SGO2: variants seen among roughly 807,000 people sequenced by gnomAD.
SGO2 encodes shugoshin 2, also known as shugoshin-like 2.
SGO2 carries 68 observed loss-of-function variants against 99.5 expected under a neutral mutation model. The observed-to-expected ratio is 0.68, with a 90% confidence interval of 0.56 to 0.84. The LOEUF (loss-of-function observed/expected upper bound fraction) is 0.84, where lower values mean the gene tolerates loss of function less well. Ranked by LOEUF, SGO2 falls within the 40% of genes least tolerant of loss-of-function variation. SGO2 has a pLI of 0.00. For missense variants in SGO2, 1,350 were observed against 1,436.7 expected, an observed-to-expected ratio of 0.94 and a Z score of 0.97; for synonymous variants, 457 against 487.1, an observed-to-expected ratio of 0.94 and a Z score of 0.81.
rs572049018 is a variant in SGO2 at position 200,583,646 on chromosome 2, C to G, written c.*182C>G. The G allele has an allele frequency of 1.3e-5, 5 of 392,440 alleles. No individual in the cohort carries two copies. In the East Asian group the frequency reaches 1.6e-4, roughly 12 times the overall value. The allele number at this position is 392,440 out of a possible 1,614,324, so 24.3% of individuals were successfully genotyped here. A position where few individuals can be genotyped will look rare whatever the true frequency, so the allele number is the denominator to read the frequency against. ...TAATAGGTATATGTGCATAAAATAGCTATTTTGTAACATTAAACTTTTTGA... is the reference window on the plus strand; with the variant it reads ...TAATAGGTATATGTGCATAAAATAGGTATTTTGTAACATTAAACTTTTTGA... On this transcript the variant is annotated 3_prime_UTR_variant, in exon 9 of 9. Transcript: ENST00000357799.
intron 4 of SGO2, among the ~76,000 whole-genome samples, chr2:200,541,070 A>C (rs1030494139): frequency 6.6e-5 from 10 of 151,990 alleles, no homozygotes; most frequent in African/African-American, 2.2e-4. Flanking sequence ...AGGAGACCAG[A>C]CTCCTGTAAC....
intron 1 of SGO2, chr2:200,532,485 C>T: frequency 1.1e-6 from 1 of 946,566 alleles, no homozygotes; most frequent in Non-Finnish European, 1.3e-6. Context: ...TCTTGTAATA[C>T]TATAATGTAA....
At chr2:200,556,811 ACTC>A (rs2032737325) in intron 5 of SGO2, among the ~76,000 whole-genome samples, 1 of 151,868 alleles carries the variant, frequency 6.6e-6, no homozygotes, top group African/African-American at 2.4e-5. Context: ...CAACCCCAAA[ACTC>A]CTGGCCGAGA....
Position 200,583,514 on chromosome 2 carries a change from C to A in SGO2, c.*50C>A, listed in dbSNP as rs1418896008. On this transcript the variant is annotated 3_prime_UTR_variant, in exon 9 of 9. Coordinates refer to ENST00000357799, the MANE Select transcript of SGO2 (RefSeq NM_152524.6). Reference sequence around the variant, plus strand: ...TCTGAATTTTCAAAGCATAAGGAATCAAAACAGAAATATAGTATCAAGAAG... The same window carrying A: ...TCTGAATTTTCAAAGCATAAGGAATAAAAACAGAAATATAGTATCAAGAAG... 9 of 1,507,600 alleles carry A rather than the reference C, an allele frequency of 6.0e-6. No homozygotes were observed. Among genetic ancestry groups the A allele is most frequent in the South Asian group, 1.3e-5 (1 of 77,288 alleles). 93.4% of individuals were successfully genotyped at this position (1,507,600 alleles called of 1,614,324 possible).
At chr2:200,566,005 T>G (rs2033172259) in intron 5 of SGO2, among the ~76,000 whole-genome samples, 1 of 152,218 alleles carries the variant, frequency 6.6e-6, no homozygotes, top group Non-Finnish European at 1.5e-5. Flanking sequence ...GCGATGGGTT[T>G]GAACATCCTC....
At chr2:200,561,974 A>G (rs1188884406) in intron 5 of SGO2, among the ~76,000 whole-genome samples, 2 of 152,118 alleles carry the variant, frequency 1.3e-5, no homozygotes, top group Non-Finnish European at 2.9e-5. Flanking sequence ...TCAGATGAGT[A>G]GATTGCAAAA....
chr2:200,563,973 C>T (rs1316648277), intron 5 of SGO2, among the ~76,000 whole-genome samples: 3 of 151,970 alleles, frequency 2.0e-5, no homozygotes, highest in South Asian at 2.1e-4. Flanking sequence ...GTCTTGCTAG[C>T]GGTCTATCAA....
At position 200,539,770 on chromosome 2, in the gene SGO2, G is replaced by T. The variant is rs150329345; in HGVS notation, c.388-2809G>T. ...TCTATCAAGTTTGGAAAAATGTTCA[G>T]CCATAATGTCCCCAAGTACTTTTCC... On this transcript the variant is annotated intron_variant, in intron 4 of 8. Transcript: ENST00000357799. Among the ~76,000 whole-genome samples, 6 of 152,206 alleles carry T rather than the reference G, an allele frequency of 3.9e-5. 1 individual carries two copies. In the East Asian group the frequency reaches 9.6e-4, roughly 24 times the overall value.
intron 5 of SGO2, among the ~76,000 whole-genome samples, chr2:200,560,366 A>G (rs1368186076): frequency 6.6e-6 from 1 of 152,122 alleles, no homozygotes; most frequent in Non-Finnish European, 1.5e-5. Context: ...AATGCTATAT[A>G]AGTGAATCAG....
Position 200,536,060 on chromosome 2 carries a change from T to G in SGO2, c.310-5T>G. 1.3e-6 allele frequency: 2 copies of G among 1,540,598 alleles called. No individual in the cohort carries two copies. Among genetic ancestry groups the G allele is most frequent in the Non-Finnish European group, 1.8e-6 (2 of 1,131,846 alleles). ...TTAAAAGGGGTCTTTATTTTACATGTGCAGAATAAGAAGCTTATAGACATA... is the reference window on the plus strand; with the variant it reads ...TTAAAAGGGGTCTTTATTTTACATGGGCAGAATAAGAAGCTTATAGACATA... On this transcript the variant is annotated splice_region_variant and splice_polypyrimidine_tract_variant and intron_variant, in intron 3 of 8. Coordinates refer to ENST00000357799, the MANE Select transcript of SGO2 (RefSeq NM_152524.6).
At position 200,569,692 on chromosome 2, in the gene SGO2, A is replaced by G; in HGVS notation, c.503A>G (p.Asp168Gly). 1 of 1,610,016 alleles carries G rather than the reference A, an allele frequency of 6.2e-7. No homozygotes were observed. The highest frequency in any genetic ancestry group is 8.5e-7 in the Non-Finnish European group (1 of 1,178,144). ...RVPLTSNDDE[D>G]EDKEKMQCDN... ...CCATTAACTTCAAATGATGATGAAGATGAAGATAAAGAGAAAATGCAGTGT... is the reference window on the plus strand; with the variant it reads ...CCATTAACTTCAAATGATGATGAAGGTGAAGATAAAGAGAAAATGCAGTGT... The change falls in exon 6 of 9, where the codon GAT (aspartate) becomes GGT (glycine). Residue 168 changes from aspartate to glycine, a missense_variant. By Grantham distance (94) the Asp-to-Gly change is moderately conservative. Coordinates refer to ENST00000357799, the MANE Select transcript of SGO2 (RefSeq NM_152524.6).
intron 5 of SGO2, among the ~76,000 whole-genome samples, chr2:200,560,224 C>G (rs772172758): frequency 2.0e-5 from 3 of 152,138 alleles, no homozygotes; most frequent in Non-Finnish European, 2.9e-5. Context: ...ATTAGGTACT[C>G]ATACATTTAG....
At chr2:200,554,109 TA>T (rs2032605427) in intron 5 of SGO2, among the ~76,000 whole-genome samples, 1 of 152,192 alleles carries the variant, frequency 6.6e-6, no homozygotes, top group African/African-American at 2.4e-5. Flanking sequence ...TGCCATCAAT[TA>T]AGAATATTCA....
chr2:200,574,483 A>G (rs2033579323), intron 7 of SGO2, among the ~76,000 whole-genome samples: 2 of 152,084 alleles, frequency 1.3e-5, no homozygotes, highest in African/African-American at 4.8e-5. Context: ...AACAAACATC[A>G]TGGTGAAATG....
chr2:200,558,954 C>G (rs2032832829), intron 5 of SGO2, among the ~76,000 whole-genome samples: 1 of 152,046 alleles, frequency 6.6e-6, no homozygotes, highest in Non-Finnish European at 1.5e-5. Flanking sequence ...AGATGCTCGC[C>G]AACGCGCCCA....
At chr2:200,534,877 C>T (rs16833685) in intron 2 of SGO2, 119 bp from the exon 3 acceptor site, 1 of 636,526 alleles carries the variant, frequency 1.6e-6, no homozygotes, top group Non-Finnish European at 2.5e-6. Flanking sequence ...ATTGTTATTC[C>T]CTTTTCTAAT....
At chr2:200,561,664 C>T (rs1390370176) in intron 5 of SGO2, among the ~76,000 whole-genome samples, 1 of 152,224 alleles carries the variant, frequency 6.6e-6, no homozygotes, top group Non-Finnish European at 1.5e-5. Flanking sequence ...AACTAGTTTA[C>T]AGTCCCACCA....
At chr2:200,583,424 A>G in intron 8 of SGO2, 25 bp from the exon 9 acceptor site, 1 of 1,575,336 alleles carries the variant, frequency 6.3e-7, no homozygotes, top group Non-Finnish European at 8.6e-7. Flanking sequence ...GTTGTTATTA[A>G]TCTTCCTTTT....
chr2:200,563,319 G>T (rs1182978900), intron 5 of SGO2, among the ~76,000 whole-genome samples: 1 of 152,182 alleles, frequency 6.6e-6, no homozygotes, highest in Non-Finnish European at 1.5e-5. Flanking sequence ...AGATAATCAT[G>T]TGGTTTTTGT....
Sources: allele counts gnomAD v4.1 joint callset (sites outside exome capture counted in the v4.1 genomes callset), GRCh38; gene constraint gnomAD v4.1.1; transcripts MANE v1.5; gene names NCBI Gene and HGNC (gene_info 2026-07-23, HGNC 2026-07-21).